Variants in ZSCAN25 observed in about 807,000 individuals in gnomAD.
ZSCAN25 encodes zinc finger and SCAN domain-containing protein 25.
Under a neutral mutation model 38.7 loss-of-function variants are expected in ZSCAN25, and 27 were observed. That is an observed-to-expected ratio of 0.70 (90% CI 0.51 to 0.96). The LOEUF (loss-of-function observed/expected upper bound fraction) is 0.96. Among genes scored for constraint, ZSCAN25 ranks in the 40% least tolerant of loss-of-function variants. The pLI is 0.00. For synonymous variants in ZSCAN25, 273 were observed against 277.7 expected (o/e 0.98, Z 0.17); for missense variants, 637 against 705.9 (o/e 0.90, Z 1.11).
the ZSCAN25 span, chr7:99,713,345 A>G: frequency 1.4e-6 from 2 of 1,450,290 alleles, no homozygotes; most frequent in Admixed American, 1.8e-5. Flanking sequence ...TAACATCCAA[A>G]CCTGTGTCAT....
chr7:99,727,521 A>T, the ZSCAN25 span, among the ~76,000 whole-genome samples: 1 of 151,960 alleles, frequency 6.6e-6, no homozygotes, highest in African/African-American at 2.4e-5. Flanking sequence ...TCCTGATACC[A>T]CACCTTATCC....
chr7:99,662,700 G>T, the ZSCAN25 span: 2 of 961,490 alleles, frequency 2.1e-6, no homozygotes, highest in African/African-American at 1.6e-5. This position sits in a 1 kb window ranked among gnomAD's most constrained non-coding sequence, Gnocchi z 4.3. Context: ...AATGTGTGTT[G>T]TTCTGCTATG....
the ZSCAN25 span, among the ~76,000 whole-genome samples, chr7:99,693,547 G>T: frequency 2.6e-4 from 39 of 152,354 alleles, no homozygotes; most frequent in East Asian, 5.0e-3. Context: ...CTGAGCTGCG[G>T]TGGGCTCCAC....
chr7:99,647,854 G>C, the ZSCAN25 span: 37 of 985,064 alleles, frequency 3.8e-5, no homozygotes, highest in Non-Finnish European at 4.3e-5. Flanking sequence ...TAATATTTTT[G>C]TAAAGGGGAT....
chr7:99,631,492 G>C lies in ZSCAN25; in HGVS notation c.*1472G>C. ...GCATAACTAGCGTGGACTGACTGCT[G>C]TGTCATTGTGCTGTGCCTTTGAACC... is the stretch of plus-strand genomic sequence containing the variant. On this transcript the variant is annotated 3_prime_UTR_variant, in exon 8 of 8. Coordinates refer to ENST00000394152, the MANE Select transcript of ZSCAN25 (RefSeq NM_145115.3). 1 of 985,526 alleles carries C rather than the reference G, an allele frequency of 1.0e-6. No individual in the cohort carries two copies. Among genetic ancestry groups the C allele is most frequent in the Non-Finnish European group, 1.2e-6 (1 of 829,948 alleles). 61.0% of individuals were successfully genotyped at this position (985,526 alleles called of 1,614,324 possible).
At chr7:99,694,980 T>A in the ZSCAN25 span, among the ~76,000 whole-genome samples, 1 of 134,842 alleles carries the variant, frequency 7.4e-6, no homozygotes, top group Non-Finnish European at 1.5e-5. Context: ...ATTCTGCCTT[T>A]GTTTAAAAAA....
At chr7:99,642,780 G>A in the ZSCAN25 span, among the ~76,000 whole-genome samples, 2 of 152,134 alleles carry the variant, frequency 1.3e-5, no homozygotes, top group African/African-American at 4.8e-5. Flanking sequence ...CTTCAGCTGT[G>A]TGAAAGTAGA....
At chr7:99,726,972 GT>G in the ZSCAN25 span, among the ~76,000 whole-genome samples, 1 of 152,142 alleles carries the variant, frequency 6.6e-6, no homozygotes, top group Non-Finnish European at 1.5e-5. Context: ...CCTGGGCATG[GT>G]TGGATACTTT....
At chr7:99,671,845 T>C in the ZSCAN25 span, 1 of 702,942 alleles carries the variant, frequency 1.4e-6, no homozygotes, top group East Asian at 2.7e-5. Context: ...ACGGAATGGG[T>C]CTGCATCTTG....
chr7:99,661,591 C>A, the ZSCAN25 span, among the ~76,000 whole-genome samples: 1 of 152,208 alleles, frequency 6.6e-6, no homozygotes, highest in Non-Finnish European at 1.5e-5. Flanking sequence ...TTGGTCAGGA[C>A]TGGATTAGGA....
chr7:99,632,360 C>G lies in ZSCAN25; in HGVS notation c.*2340C>G. On this transcript the variant is annotated 3_prime_UTR_variant, in exon 8 of 8. Transcript: ENST00000394152. ...TAATTTCAAACCTATATAAATAAAT[C>G]CTTATGTATTTATCATTTGACTTTA... is the stretch of plus-strand genomic sequence containing the variant. The G allele has an allele frequency of 1.7e-6, 1 of 604,406 alleles. No homozygotes were observed. The highest frequency in any genetic ancestry group is 2.1e-6 in the Non-Finnish European group (1 of 482,326). The allele number at this position is 604,406 out of a possible 1,614,324, so 37.4% of individuals were successfully genotyped here. A position where few individuals can be genotyped will look rare whatever the true frequency, so the allele number is the denominator to read the frequency against.
the ZSCAN25 span, among the ~76,000 whole-genome samples, chr7:99,642,463 C>T: frequency 2.6e-5 from 4 of 152,298 alleles, no homozygotes; most frequent in South Asian, 8.3e-4. Context: ...AGGAACCCTC[C>T]AGATGACTCC....
chr7:99,630,334 A>G lies in ZSCAN25; in HGVS notation c.*314A>G. 8.7e-7 allele frequency: 1 copy of G among 1,145,784 alleles called. No individual in the cohort carries two copies. Among genetic ancestry groups the G allele is most frequent in the Non-Finnish European group, 1.1e-6 (1 of 930,626 alleles). The allele number at this position is 1,145,784 out of a possible 1,614,324, so 71.0% of individuals were successfully genotyped here. A position where few individuals can be genotyped will look rare whatever the true frequency, so the allele number is the denominator to read the frequency against. ...GCCGAACAAAGCTGGGAGTAAAGGC[A>G]AAACCTTGACACGTGTTGGTAGCTG... is the stretch of plus-strand genomic sequence containing the variant. On this transcript the variant is annotated 3_prime_UTR_variant, in exon 8 of 8. Coordinates refer to ENST00000394152, the MANE Select transcript of ZSCAN25 (RefSeq NM_145115.3).
the ZSCAN25 span, among the ~76,000 whole-genome samples, chr7:99,688,404 A>C: frequency 6.6e-6 from 1 of 152,216 alleles, no homozygotes; most frequent in Non-Finnish European, 1.5e-5. Context: ...TTAAACCAAC[A>C]AAGATCAAAA....
At chr7:99,720,466 G>T in the ZSCAN25 span, 2 of 1,603,634 alleles carry the variant, frequency 1.2e-6, no homozygotes, top group Non-Finnish European at 1.7e-6. Context: ...GCTACAGCTG[G>T]AGCCAAACCC....
In ZSCAN25 at chr7:99,632,362, T is replaced by G. The variant is rs1808071862; in HGVS notation, c.*2342T>G. Reference sequence around the variant, plus strand: ...ATTTCAAACCTATATAAATAAATCCTTATGTATTTATCATTTGACTTTATT... The same window carrying G: ...ATTTCAAACCTATATAAATAAATCCGTATGTATTTATCATTTGACTTTATT... On this transcript the variant is annotated 3_prime_UTR_variant, in exon 8 of 8. Coordinates refer to ENST00000394152, the MANE Select transcript of ZSCAN25 (RefSeq NM_145115.3). The G allele has an allele frequency of 1.7e-6, 1 of 592,390 alleles. No individual in the cohort carries two copies. 36.7% of individuals were successfully genotyped at this position (592,390 alleles called of 1,614,324 possible).
the ZSCAN25 span, chr7:99,717,277 A>G: frequency 1.9e-6 from 3 of 1,613,806 alleles, no homozygotes; most frequent in African/African-American, 1.3e-5. Flanking sequence ...TAAGCACAAA[A>G]CACAACACCA....
chr7:99,622,570 G>A lies in ZSCAN25; in HGVS notation c.611G>A (p.Gly204Asp). The A allele has an allele frequency of 6.2e-7, 1 of 1,614,142 alleles. No homozygotes were observed. ...TCAGCACTACCTGTTCTGCAGGCGG[G>A]TCCTGGCCTCCCCGCAGTGAATCCC... ...QEQALPVLQA[G>D]PGLPAVNPRD... The change falls in exon 6 of 8, where the codon GGT becomes GAT. Residue 204 changes from glycine to aspartate, a missense_variant. Transcript: ENST00000394152.
chr7:99,701,951 G>T, the ZSCAN25 span, among the ~76,000 whole-genome samples: 1 of 152,096 alleles, frequency 6.6e-6, no homozygotes, highest in South Asian at 2.1e-4. Context: ...AACTTGATGT[G>T]ATTCCATTTG....
Sources: allele counts gnomAD v4.1 joint callset (sites outside exome capture counted in the v4.1 genomes callset), GRCh38; gene constraint gnomAD v4.1.1; non-coding constraint Gnocchi (gnomAD v3.1); transcripts MANE v1.5; gene names NCBI Gene and HGNC (gene_info 2026-07-23, HGNC 2026-07-21).